The following PTBP1 variants were observed in gnomAD, a reference collection of about 807,000 sequenced individuals.
The protein encoded by PTBP1 is polypyrimidine tract binding protein 1, also known as polypyrimidine tract-binding protein 1.
PTBP1 carries 8 observed loss-of-function variants against 59.8 expected under a neutral mutation model. That is an observed-to-expected ratio of 0.13 (90% CI 0.08 to 0.24). The LOEUF (loss-of-function observed/expected upper bound fraction) is 0.24, where lower values mean the gene tolerates loss of function less well. Among genes scored for constraint, PTBP1 ranks in the 10% least tolerant of loss-of-function variants. PTBP1 has a pLI of 1.00. For synonymous variants in PTBP1, 490 were observed against 320.7 expected (o/e 1.53, Z -5.64); for missense variants, 686 against 767.0 (o/e 0.89, Z 1.25).
intron 3 of PTBP1, 137 bp downstream of exon 3, chr19:803,773 T>C: frequency 1.2e-6 from 1 of 862,048 alleles, no homozygotes; most frequent in East Asian, 2.5e-5. Flanking sequence ...CAGGTCCAAG[T>C]TCTCGCTGCA....
intron 2 of PTBP1, 69 bp downstream of exon 2, chr19:799,512 C>CCAACGCAA: frequency 1.3e-6 from 2 of 1,526,278 alleles, no homozygotes; most frequent in Non-Finnish European, 1.8e-6. Context: ...GGGCCACCCC[C>CCAACGCAA]CAGCGCTGTT....
rs886582133 is a variant in PTBP1 at position 811,442 on chromosome 19, C to T, written c.*616C>T. The T allele has an allele frequency of 6.6e-6, 1 of 152,496 alleles. No homozygotes were observed. The highest frequency in any genetic ancestry group is 1.5e-5 in the Non-Finnish European group (1 of 68,054). The allele number at this position is 152,496 out of a possible 1,614,324, so 9.4% of individuals were successfully genotyped here. On this transcript the variant is annotated 3_prime_UTR_variant, in exon 15 of 15. Transcript: ENST00000356948. Reference sequence around the variant, plus strand: ...GTCGACATAATCTCTGTATTATATACTTTGCAGTTGCAGACGTCTGTGCCT... The same window carrying T: ...GTCGACATAATCTCTGTATTATATATTTTGCAGTTGCAGACGTCTGTGCCT...
intron 2 of PTBP1, among the ~76,000 whole-genome samples, 174 bp from the exon 3 acceptor site, chr19:803,387 C>T (rs2034423060): frequency 6.6e-6 from 1 of 152,126 alleles, no homozygotes; most frequent in African/African-American, 2.4e-5. Context: ...GGGTGCCGTG[C>T]GCGTCCATGG....
Position 799,463 on chromosome 19 carries a change from C to G in PTBP1, c.39+20C>G, listed in dbSNP as rs141226222. 2 of 1,612,888 alleles carry G rather than the reference C, an allele frequency of 1.2e-6. No individual in the cohort carries two copies. Among genetic ancestry groups the G allele is most frequent in the Non-Finnish European group, 1.7e-6 (2 of 1,179,068 alleles). On this transcript the variant is annotated intron_variant, in intron 2 of 14. Transcript: ENST00000356948. ...ACAAAGGTAGGCACTTCTCACTTTG[C>G]TTCTCCGTGACGCTCCTCTGACCTT...
chr19:808,771 T>TGGGCCGGGGGGCTCATG lies in PTBP1; in HGVS notation c.1463+20_1463+36dup. On this transcript the variant is annotated intron_variant, in intron 13 of 14. Coordinates refer to ENST00000356948, the MANE Select transcript of PTBP1 (RefSeq NM_002819.5). The surrounding 1 kb of genome is among the most constrained non-coding windows in gnomAD (Gnocchi z 4.7). ...CACCTCTCCAACATCCCGTGAGTGC[T>TGGGCCGGGGGGCTCATG]GGGCCGGGGGGCTCATGGGGCCGGG... The TGGGCCGGGGGGCTCATG allele has an allele frequency of 6.2e-7, 1 of 1,606,512 alleles. No individual in the cohort carries two copies. Among genetic ancestry groups the TGGGCCGGGGGGCTCATG allele is most frequent in the South Asian group, 1.1e-5 (1 of 90,308 alleles).
At chr19:801,962 C>T (rs577178361) in intron 2 of PTBP1, among the ~76,000 whole-genome samples, 1 of 152,226 alleles carries the variant, frequency 6.6e-6, no homozygotes. Flanking sequence ...GCCGCCGTGA[C>T]ACTGGACACT....
rs764415769 is a variant in PTBP1, at chr19:808,601, C to G, written c.1302C>G (p.Leu434=). The G allele has an allele frequency of 2.5e-6, 4 of 1,608,718 alleles. No homozygotes were observed. The East Asian group carries it at 6.7e-5, about 27-fold the overall frequency. ...KLHGKPIRIT[L]SKHQNVQLPR... Reference sequence around the variant, plus strand: ...ACGGGAAGCCCATCCGCATCACGCTCTCGAAGCACCAGAACGTGCAGCTGC... The same window carrying G: ...ACGGGAAGCCCATCCGCATCACGCTGTCGAAGCACCAGAACGTGCAGCTGC... Residue 434 remains leucine (L), a synonymous_variant, in exon 13 of 15, where the codon CTC becomes CTG. Transcript: ENST00000356948. This position sits in a 1 kb window ranked among gnomAD's most constrained non-coding sequence, Gnocchi z 4.7.
chr19:811,666 G>A lies in PTBP1; in HGVS notation c.*840G>A, dbSNP rs2034881656. 6.6e-6 allele frequency: 1 copy of A among 152,378 alleles called. No individual in the cohort carries two copies. The highest frequency in any genetic ancestry group is 6.5e-5 in the Admixed American group (1 of 15,280). The allele number at this position is 152,378 out of a possible 1,614,324, so 9.4% of individuals were successfully genotyped here. A position where few individuals can be genotyped will look rare whatever the true frequency, so the allele number is the denominator to read the frequency against. ...ACAGGCAGGACCCAGTTTCCAGAGA[G>A]CAGGCGGGGCCGCCCAGTGGGTCAG... On this transcript the variant is annotated 3_prime_UTR_variant, in exon 15 of 15. Transcript: ENST00000356948.
rs761775198 is a variant in PTBP1 at position 797,459 on chromosome 19, C to A, written c.-39C>A. On this transcript the variant is annotated 5_prime_UTR_variant, in exon 1 of 15. Coordinates refer to ENST00000356948, the MANE Select transcript of PTBP1 (RefSeq NM_002819.5). ...GTTGGGTCGGTTCCTGCTATTCCGG[C>A]GCCTCCACTCCGTCCCCCGCGGGTC... is the stretch of plus-strand genomic sequence containing the variant. The A allele has an allele frequency of 1.9e-6, 3 of 1,599,114 alleles. No individual in the cohort carries two copies. The highest frequency in any genetic ancestry group is 2.6e-6 in the Non-Finnish European group (3 of 1,175,446).
intron 13 of PTBP1, among the ~76,000 whole-genome samples, chr19:809,036 T>C (rs900933774): frequency 6.6e-6 from 1 of 152,122 alleles, no homozygotes; most frequent in Non-Finnish European, 1.5e-5. Flanking sequence ...TGAGGCGAAG[T>C]CTTGCTTTGT....
chr19:805,651 G>C (rs1221272701), intron 9 of PTBP1, 82 bp downstream of exon 9: 1 of 1,248,024 alleles, frequency 8.0e-7, no homozygotes. Flanking sequence ...CACGGCGGCA[G>C]CCTGGGCGGA....
At chr19:805,269 C>G (rs987669926) in intron 8 of PTBP1, 82 bp downstream of exon 8, 9 of 1,491,858 alleles carry the variant, frequency 6.0e-6, no homozygotes, top group East Asian at 2.3e-5. Flanking sequence ...GGCACGGGCC[C>G]GGCCCTGCAC....
chr19:799,451 C>T lies in PTBP1; in HGVS notation c.39+8C>T, dbSNP rs750514701. 5 of 1,613,728 alleles carry T rather than the reference C, an allele frequency of 3.1e-6. No homozygotes were observed. In the East Asian group the frequency reaches 8.9e-5, roughly 29 times the overall value. On this transcript the variant is annotated splice_region_variant and intron_variant, in intron 2 of 14. Transcript: ENST00000356948. ...ATAGCCGTTGGTACAAAGGTAGGCA[C>T]TTCTCACTTTGCTTCTCCGTGACGC...
Position 799,401 on chromosome 19 carries a change from TTCTC to T in PTBP1, c.9-8_9-5del, listed in dbSNP as rs778125417. ...ACCAGGCTAACGTTGTCTCCTTTCT[TTCTC>T]TCTACAGCATTGTCCCAGATATAGC... On this transcript the variant is annotated splice_polypyrimidine_tract_variant and splice_region_variant and intron_variant, in intron 1 of 14. Transcript: ENST00000356948. The T allele has an allele frequency of 2.5e-6, 4 of 1,613,794 alleles. No homozygotes were observed. Among genetic ancestry groups the T allele is most frequent in the Admixed American group, 1.7e-5 (1 of 60,024 alleles).
In PTBP1 at chr19:810,750, C is replaced by T. The variant is rs769235788; in HGVS notation, c.1598C>T (p.Ala533Val). 8 of 1,606,886 alleles carry T rather than the reference C, an allele frequency of 5.0e-6. No individual in the cohort carries two copies. Among genetic ancestry groups the T allele is most frequent in the Non-Finnish European group, 6.8e-6 (8 of 1,177,916 alleles). The change falls in exon 15 of 15, where the codon GCC becomes GTC. Residue 533 changes from alanine to valine, a missense_variant. By Grantham distance (64) the Ala-to-Val change is moderately conservative. Transcript: ENST00000356948. ...QMGSVEEAVQ[A>V]LIDLHNHDLG... is the part of the protein sequence containing the mutation. ...GGCTCCGTGGAGGAGGCGGTCCAGG[C>T]CCTCATTGACCTGCACAACCACGAC...
intron 9 of PTBP1, 196 bp from the exon 10 acceptor site, chr19:806,212 C>CGGGCGCTGGTGCA: frequency 1.9e-6 from 1 of 528,550 alleles, no homozygotes; most frequent in East Asian, 3.7e-5. Flanking sequence ...TGAGGAGAGG[C>CGGGCGCTGGTGCA]GGGCGCTGGT....
At chr19:798,016 G>A (rs1006586342) in intron 1 of PTBP1, among the ~76,000 whole-genome samples, 22 of 151,028 alleles carry the variant, frequency 1.5e-4, no homozygotes, top group African/African-American at 4.8e-4. Flanking sequence ...GGAAGCGCAG[G>A]CGGGGCTGGG....
Position 810,997 on chromosome 19 carries a change from C to A in PTBP1, c.*171C>A. The A allele has an allele frequency of 1.5e-6, 1 of 683,842 alleles. No homozygotes were observed. Among genetic ancestry groups the A allele is most frequent in the Non-Finnish European group, 2.2e-6 (1 of 448,580 alleles). 42.4% of individuals were successfully genotyped at this position (683,842 alleles called of 1,614,324 possible). A position where few individuals can be genotyped will look rare whatever the true frequency, so the allele number is the denominator to read the frequency against. The stretch of plus-strand genomic sequence containing the variant: ...TTAAATCTAGTTCACCTTGCTCACC[C>A]TGCGGTGACAGGGACAGCTCAGGCT... On this transcript the variant is annotated 3_prime_UTR_variant, in exon 15 of 15. Transcript: ENST00000356948.
rs199942254 is a variant in PTBP1, at chr19:804,514, C to T, written c.436-18C>T. 472 of 1,596,684 alleles carry T rather than the reference C, an allele frequency of 3.0e-4. 1 individual carries two copies. The highest frequency in any genetic ancestry group is 3.7e-4 in the Non-Finnish European group (439 of 1,174,436). On this transcript the variant is annotated intron_variant, in intron 5 of 14. Transcript: ENST00000356948. ...CCCAGCCGCAGGGGCCGGGGACTCACGGCTGTGCCTCCCACAGCGGGCCCA... is the reference window on the plus strand; with the variant it reads ...CCCAGCCGCAGGGGCCGGGGACTCATGGCTGTGCCTCCCACAGCGGGCCCA...
Sources: gnomAD v4.1 joint callset for allele counts (sites outside exome capture counted in the v4.1 genomes callset) on GRCh38, gnomAD v4.1.1 for gene constraint, Gnocchi (gnomAD v3.1) non-coding constraint, MANE v1.5 for transcripts, NCBI Gene and HGNC (gene_info 2026-07-23, HGNC 2026-07-21) for gene names.